The following EIF2AK4 variants were observed in gnomAD, a reference collection of about 807,000 sequenced individuals.
EIF2AK4 encodes eIF-2-alpha kinase GCN2.
EIF2AK4 carries 139 observed loss-of-function variants against 211.1 expected under a neutral mutation model. The ratio of observed to expected loss-of-function variants is 0.66; its 90% CI spans 0.57 to 0.76. The LOEUF (loss-of-function observed/expected upper bound fraction) is 0.76. Among genes scored for constraint, EIF2AK4 ranks in the 30% least tolerant of loss-of-function variants. EIF2AK4 has a pLI of 0.00. For missense variants in EIF2AK4, 1,664 were observed against 2,043.8 expected, an observed-to-expected ratio of 0.81 and a Z score of 3.58; for synonymous variants, 710 against 751.3, an observed-to-expected ratio of 0.94 and a Z score of 0.90.
At chr15:39,936,237 A>G (rs2034062098) in intron 1 of EIF2AK4, among the ~76,000 whole-genome samples, 1 of 152,206 alleles carries the variant, frequency 6.6e-6, no homozygotes, top group Non-Finnish European at 1.5e-5. Flanking sequence ...CAGGCAGAAG[A>G]ATTTAAATAG....
At chr15:39,955,537 T>A (rs1487525146) in intron 5 of EIF2AK4, 83 bp from the exon 6 acceptor site, 4 of 1,397,642 alleles carry the variant, frequency 2.9e-6, no homozygotes, top group East Asian at 2.6e-5. Context: ...ATTTGCATTC[T>A]ATACTGAATT....
chr15:39,943,574 TATTGG>T (rs1471189195), intron 3 of EIF2AK4, 89 bp downstream of exon 3: 48 of 1,017,046 alleles, frequency 4.7e-5, no homozygotes, highest in Middle Eastern at 5.2e-4. Flanking sequence ...TTTTGTGTTT[TATTGG>T]TTCTACAAAA....
At chr15:39,998,257 G>GTTTTTTTTTTTGT (rs2035043430) in intron 19 of EIF2AK4, among the ~76,000 whole-genome samples, 1 of 109,754 alleles carries the variant, frequency 9.1e-6, no homozygotes, top group African/African-American at 3.2e-5. Flanking sequence ...TATGGGTGTG[G>GTTTTTTTTTTTGT]TTTTTTTTTT....
At chr15:40,000,935 G>A in intron 20 of EIF2AK4, 53 bp from the exon 21 acceptor site, 1 of 1,556,064 alleles carries the variant, frequency 6.4e-7, no homozygotes, top group South Asian at 1.1e-5. Flanking sequence ...CCGGAGAATA[G>A]CTGAGCATTA....
At chr15:39,961,115 AG>A (rs2034465799) in intron 6 of EIF2AK4, among the ~76,000 whole-genome samples, 1 of 152,186 alleles carries the variant, frequency 6.6e-6, no homozygotes, top group Non-Finnish European at 1.5e-5. Context: ...GAAAAAAAGT[AG>A]AAAAAAAGAA....
Position 40,016,608 on chromosome 15 carries a change from A to C in EIF2AK4, c.3866A>C (p.Lys1289Thr), listed in dbSNP as rs2035305451. 6.2e-7 allele frequency: 1 copy of C among 1,614,150 alleles called. No individual in the cohort carries two copies. Among genetic ancestry groups the C allele is most frequent in the Admixed American group, 1.7e-5 (1 of 60,008 alleles). ...KQKTGIAQLVKYGLKDLEEVV... is the reference protein window; with the variant it reads ...KQKTGIAQLVTYGLKDLEEVV... ...AAAACAGGTATTGCACAGTTGGTGAAGTATGGCTTAAAAGACCTAGAGGAG... is the reference window on the plus strand; with the variant it reads ...AAAACAGGTATTGCACAGTTGGTGACGTATGGCTTAAAAGACCTAGAGGAG... Residue 1289 changes from lysine to threonine, a missense_variant, in exon 28 of 39, where the codon AAG (lysine) becomes ACG (threonine). Transcript: ENST00000263791.
chr15:39,941,441 G>C lies in EIF2AK4; in HGVS notation c.257+1824G>C, dbSNP rs141201372. On this transcript the variant is annotated intron_variant, in intron 2 of 38. Transcript: ENST00000263791. ...CCCCTGTTGCTCAGGAAATTCCAAG[G>C]GTGATAGGATCTCTGTGCCAGGAAC... Among the ~76,000 whole-genome samples the C allele has an allele frequency of 5.9e-5, 9 of 152,048 alleles. No individual in the cohort carries two copies. In the East Asian group the frequency reaches 1.4e-3, roughly 23 times the overall value.
intron 33 of EIF2AK4, among the ~76,000 whole-genome samples, chr15:40,027,450 G>A (rs188920772): frequency 6.6e-6 from 1 of 152,332 alleles, no homozygotes; most frequent in East Asian, 1.9e-4. Context: ...CACACTTGGA[G>A]AACCTCATTT....
At chr15:39,954,533 C>T (rs34298214) in intron 5 of EIF2AK4, among the ~76,000 whole-genome samples, 13,063 of 152,184 alleles carry the variant, frequency 0.086, 994 homozygotes, top group East Asian at 0.24. Flanking sequence ...GGATTACAGG[C>T]GTGAGCCACT....
chr15:40,022,210 GTGTGTATGT>G (rs1230129472), intron 31 of EIF2AK4: 209 of 235,196 alleles, frequency 8.9e-4, no homozygotes, highest in African/African-American at 4.9e-3. Context: ...GTGTGTGTGT[GTGTGTATGT>G]TGTGTTGTAT....
intron 13 of EIF2AK4, among the ~76,000 whole-genome samples, chr15:39,983,396 G>GT (rs972921170): frequency 1.3e-5 from 2 of 150,018 alleles, no homozygotes; most frequent in Non-Finnish European, 3.0e-5. Context: ...TGATGGAGTT[G>GT]TTTTTTTCTT....
chr15:39,998,899 C>T lies in EIF2AK4; in HGVS notation c.2922+115C>T, dbSNP rs1383917834. 34 of 823,182 alleles carry T rather than the reference C, an allele frequency of 4.1e-5. No individual in the cohort carries two copies. The Middle Eastern group carries it at 8.1e-4, about 20-fold the overall frequency. 51.0% of individuals were successfully genotyped at this position (823,182 alleles called of 1,614,324 possible). On this transcript the variant is annotated intron_variant, in intron 20 of 38. Transcript: ENST00000263791. ...TCATTCTCTTGTGTCCTGGGAACAA[C>T]GTGGGGAAAAAATATGAAAAGATGA...
intron 6 of EIF2AK4, among the ~76,000 whole-genome samples, chr15:39,960,728 G>A (rs1314675760): frequency 1.3e-5 from 2 of 152,106 alleles, no homozygotes; most frequent in Non-Finnish European, 2.9e-5. Context: ...GGGAGAAAGG[G>A]ACTAACTAAT....
intron 9 of EIF2AK4, among the ~76,000 whole-genome samples, chr15:39,969,166 A>G (rs1247861758): frequency 2.0e-5 from 3 of 151,998 alleles, no homozygotes; most frequent in Non-Finnish European, 4.4e-5. Flanking sequence ...ATGAAGAGTA[A>G]TTTAGTCAAG....
chr15:40,016,483 G>A lies in EIF2AK4; in HGVS notation c.3760-19G>A, dbSNP rs369377335. The A allele has an allele frequency of 3.7e-6, 6 of 1,613,754 alleles. No homozygotes were observed. In the Middle Eastern group the frequency reaches 4.9e-4, roughly 133 times the overall value. On this transcript the variant is annotated intron_variant, in intron 27 of 38. Transcript: ENST00000263791. Reference sequence around the variant, plus strand: ...CCCTGCTGTGGATGGGCAGCTGACTGTGCCCCTTTGCTTTCCAGCTGTGTC... The same window carrying A: ...CCCTGCTGTGGATGGGCAGCTGACTATGCCCCTTTGCTTTCCAGCTGTGTC...
At position 39,997,034 on chromosome 15, in the gene EIF2AK4, A is replaced by G; in HGVS notation, c.2837A>G (p.Glu946Gly). ...TATCACCCCATGGTCACGGCTTCAG[A>G]AAGGATCTTTGTTCTCAACCAACTC... ...MSYHPMVTAS[E>G]RIFVLNQLRD... The change falls in exon 19 of 39, where the codon GAA (glutamate) becomes GGA (glycine). Residue 946 changes from glutamate (E) to glycine (G), a missense_variant. Glu to Gly is a moderately conservative substitution (Grantham distance 98). Transcript: ENST00000263791. The G allele has an allele frequency of 6.2e-7, 1 of 1,614,014 alleles. No homozygotes were observed. The highest frequency in any genetic ancestry group is 2.2e-5 in the East Asian group (1 of 44,864).
At chr15:40,026,553 C>A (rs2035468412) in intron 33 of EIF2AK4, among the ~76,000 whole-genome samples, 1 of 152,206 alleles carries the variant, frequency 6.6e-6, no homozygotes, top group Admixed American at 6.5e-5. Context: ...CTGAATAACT[C>A]AATCAGGAGT....
chr15:39,951,581 G>T (rs2034315972), intron 4 of EIF2AK4: 2 of 321,508 alleles, frequency 6.2e-6, no homozygotes, highest in Non-Finnish European at 1.2e-5. Flanking sequence ...AGATGCTGGA[G>T]GGGAGTTTGC....
At chr15:39,989,754 TC>T (rs1444283565) in intron 15 of EIF2AK4, among the ~76,000 whole-genome samples, 1 of 152,208 alleles carries the variant, frequency 6.6e-6, no homozygotes, top group Admixed American at 6.5e-5. Context: ...GAAAGCAGTC[TC>T]ATGTAACAAG....
Sources: allele counts gnomAD v4.1 joint callset (sites outside exome capture counted in the v4.1 genomes callset), GRCh38; gene constraint gnomAD v4.1.1; transcripts MANE v1.5; gene names NCBI Gene and HGNC (gene_info 2026-07-23, HGNC 2026-07-21).